The following DERA variants were observed in gnomAD, a reference collection of about 807,000 sequenced individuals.
DERA encodes the protein deoxyribose-phosphate aldolase.
DERA carries 15 observed loss-of-function variants against 41.1 expected under a neutral mutation model. The observed-to-expected ratio is 0.37, with a 90% CI of 0.24 to 0.56. DERA has a LOEUF of 0.56. DERA is among the 20% of genes least tolerant of loss of function. The probability of loss-of-function intolerance (pLI) is 0.81; values close to 1 mark genes in which losing one functional copy is unlikely to be tolerated. For missense variants in DERA, 396 were observed against 403.4 expected (o/e 0.98, Z 0.16); for synonymous variants, 139 against 137.4 (o/e 1.01, Z -0.08).
At position 15,995,079 on chromosome 12, in the gene DERA, C is replaced by T. The variant is rs1948828347; in HGVS notation, c.637+12643C>T. ...ACTCCATGCTTTTATTAATGCACAA[C>T]CCTGCTCTCTATCCTGCAATTGATC... On this transcript the variant is annotated intron_variant, in intron 6 of 8. Coordinates refer to ENST00000428559, the MANE Select transcript of DERA (RefSeq NM_015954.4). The surrounding 1 kb of genome is among the most constrained non-coding windows in gnomAD (Gnocchi z 5.1). Among the ~76,000 whole-genome samples the T allele has an allele frequency of 6.6e-6, 1 of 152,156 alleles. No homozygotes were observed. Among genetic ancestry groups the T allele is most frequent in the Non-Finnish European group, 1.5e-5 (1 of 68,030 alleles).
At chr12:15,968,882 A>G (rs1339674898) in intron 5 of DERA, among the ~76,000 whole-genome samples, 1 of 152,198 alleles carries the variant, frequency 6.6e-6, no homozygotes, top group African/African-American at 2.4e-5. Flanking sequence ...AATAAAGTGG[A>G]ACTCTAAAGA....
intron 6 of DERA, among the ~76,000 whole-genome samples, chr12:16,002,420 T>A (rs1948881937): frequency 6.6e-6 from 1 of 152,190 alleles, no homozygotes; most frequent in South Asian, 2.1e-4. Context: ...ATACCCTCGC[T>A]CCTCACAGCT....
intron 5 of DERA, 132 bp downstream of exon 5, chr12:15,963,079 G>A: frequency 7.9e-7 from 1 of 1,273,158 alleles, no homozygotes. Context: ...GTGAGTTTAG[G>A]AGAAAGCAGG....
Position 15,983,910 on chromosome 12 carries a change from C to T in DERA, c.637+1474C>T, listed in dbSNP as rs145178136. ...ATGAGAAGGGATGGAACACTTTGAACAGTTGTTCATCAGTGATGTTGGCAT... is the reference window on the plus strand; with the variant it reads ...ATGAGAAGGGATGGAACACTTTGAATAGTTGTTCATCAGTGATGTTGGCAT... On this transcript the variant is annotated intron_variant, in intron 6 of 8. Transcript: ENST00000428559. This position sits in a 1 kb window ranked among gnomAD's most constrained non-coding sequence, Gnocchi z 6.2. Among the ~76,000 whole-genome samples the T allele has an allele frequency of 1.6e-3, 238 of 152,244 alleles. 1 individual carries two copies. The highest frequency in any genetic ancestry group is 5.6e-3 in the African/African-American group (231 of 41,544).
Position 16,003,482 on chromosome 12 carries a change from G to A in DERA, c.637+21046G>A, listed in dbSNP as rs1011920095. Among the ~76,000 whole-genome samples the A allele has an allele frequency of 6.6e-6, 1 of 152,056 alleles. No homozygotes were observed. Among genetic ancestry groups the A allele is most frequent in the Non-Finnish European group, 1.5e-5 (1 of 68,006 alleles). ...ACTGGAGTTCAGAGAGAATCTTTTT[G>A]GCTCATTTTGCTTGTGTGCCTAAGG... is the stretch of plus-strand genomic sequence containing the variant. On this transcript the variant is annotated intron_variant, in intron 6 of 8. Coordinates refer to ENST00000428559, the MANE Select transcript of DERA (RefSeq NM_015954.4). This position sits in a 1 kb window ranked among gnomAD's most constrained non-coding sequence, Gnocchi z 4.8.
chr12:15,942,208 T>G (rs755229098), intron 1 of DERA, among the ~76,000 whole-genome samples: 12 of 152,194 alleles, frequency 7.9e-5, no homozygotes, highest in Non-Finnish European at 1.8e-4. Context: ...TTTAATGGGA[T>G]TACTTGTTTT....
At position 15,970,963 on chromosome 12, in the gene DERA, T is replaced by C. The variant is rs1948655391; in HGVS notation, c.508+8016T>C. On this transcript the variant is annotated intron_variant, in intron 5 of 8. Coordinates refer to ENST00000428559, the MANE Select transcript of DERA (RefSeq NM_015954.4). This position sits in a 1 kb window ranked among gnomAD's most constrained non-coding sequence, Gnocchi z 4.3. The stretch of plus-strand genomic sequence containing the variant: ...CAGAAAGTCATTATTTTTAGCAAAA[T>C]GGGGCCAAGGCAGAAAATCCAGGTT... Among the ~76,000 whole-genome samples, 1 of 152,172 alleles carries C rather than the reference T, an allele frequency of 6.6e-6. No homozygotes were observed. Among genetic ancestry groups the C allele is most frequent in the Non-Finnish European group, 1.5e-5 (1 of 68,016 alleles).
intron 7 of DERA, 140 bp downstream of exon 7, chr12:16,032,794 C>T (rs749252293): frequency 1.6e-6 from 1 of 638,582 alleles, no homozygotes; most frequent in Non-Finnish European, 2.7e-6. Flanking sequence ...ATTTACCTTT[C>T]ATTATAAAAG....
At chr12:15,948,606 T>C (rs1448730565) in intron 1 of DERA, among the ~76,000 whole-genome samples, 1 of 152,150 alleles carries the variant, frequency 6.6e-6, no homozygotes, top group South Asian at 2.1e-4. Flanking sequence ...CGTCTAATCT[T>C]TTTTTTGAAG....
At chr12:15,916,994 C>T (rs1362995877) in intron 1 of DERA, among the ~76,000 whole-genome samples, 3 of 151,974 alleles carry the variant, frequency 2.0e-5, no homozygotes, top group African/African-American at 7.3e-5. Flanking sequence ...TTTTTTGTCC[C>T]GAATTTCTAC....
rs1031082333 is a variant in DERA, at chr12:16,009,172, C to T, written c.638-23370C>T. On this transcript the variant is annotated intron_variant, in intron 6 of 8. Transcript: ENST00000428559. This position sits in a 1 kb window ranked among gnomAD's most constrained non-coding sequence, Gnocchi z 5.3. ...AGAAAGGGAGACTTATTCTGTTCCT[C>T]CTCCTTCTCTTACTGTTGTATGGTT... 2.0e-5 allele frequency among the ~76,000 whole-genome samples: 3 copies of T among 152,124 alleles called. No homozygotes were observed. The highest frequency in any genetic ancestry group is 3.9e-4 in the East Asian group (2 of 5,194).
At position 15,972,409 on chromosome 12, in the gene DERA, T is replaced by C. The variant is rs1948667599; in HGVS notation, c.508+9462T>C. On this transcript the variant is annotated intron_variant, in intron 5 of 8. Coordinates refer to ENST00000428559, the MANE Select transcript of DERA (RefSeq NM_015954.4). This position sits in a 1 kb window ranked among gnomAD's most constrained non-coding sequence, Gnocchi z 4.4. ...CCCACAGTTCACCCTTTAGAGACAC[T>C]GCACACATCCCAGCCAGCTGGCTGT... 6.5e-6 allele frequency: 1 copy of C among 152,870 alleles called. No homozygotes were observed. Among genetic ancestry groups the C allele is most frequent in the South Asian group, 2.0e-4 (1 of 5,018 alleles). The allele number at this position is 152,870 out of a possible 1,614,324, so 9.5% of individuals were successfully genotyped here.
Position 15,929,532 on chromosome 12 carries a change from A to C in DERA, c.31+18118A>C, listed in dbSNP as rs16911434. 6.9e-3 allele frequency among the ~76,000 whole-genome samples: 1,056 copies of C among 152,306 alleles called. 17 individuals carry two copies. The highest frequency in any genetic ancestry group is 0.025 in the African/African-American group (1,029 of 41,554). On this transcript the variant is annotated intron_variant, in intron 1 of 8. Coordinates refer to ENST00000428559, the MANE Select transcript of DERA (RefSeq NM_015954.4). The stretch of plus-strand genomic sequence containing the variant: ...CTGCTTATAGTCACAGTATTTTAGC[A>C]CATGTTAGATGCCTGCTGTTTAAGG...
At chr12:16,023,187 T>A (rs1949027747) in intron 6 of DERA, among the ~76,000 whole-genome samples, 1 of 152,100 alleles carries the variant, frequency 6.6e-6, no homozygotes, top group Admixed American at 6.5e-5. Flanking sequence ...AGCAACATGG[T>A]TTCAGTATAA....
At chr12:15,949,621 G>T (rs1948481392) in intron 1 of DERA, among the ~76,000 whole-genome samples, 1 of 152,200 alleles carries the variant, frequency 6.6e-6, no homozygotes, top group Non-Finnish European at 1.5e-5. Context: ...GCTAGGGAGG[G>T]GAATTCCCTG....
At position 15,993,288 on chromosome 12, in the gene DERA, A is replaced by G. The variant is rs1007955272; in HGVS notation, c.637+10852A>G. On this transcript the variant is annotated intron_variant, in intron 6 of 8. Coordinates refer to ENST00000428559, the MANE Select transcript of DERA (RefSeq NM_015954.4). The surrounding 1 kb of genome is among the most constrained non-coding windows in gnomAD (Gnocchi z 4.4). ...ATGTGGTGATTAATAGGAAATTAGTATCTAAGATTTTAAAAAATATATTTT... is the reference window on the plus strand; with the variant it reads ...ATGTGGTGATTAATAGGAAATTAGTGTCTAAGATTTTAAAAAATATATTTT... 2.0e-5 allele frequency among the ~76,000 whole-genome samples: 3 copies of G among 152,198 alleles called. No individual in the cohort carries two copies. Among genetic ancestry groups the G allele is most frequent in the Non-Finnish European group, 2.9e-5 (2 of 68,022 alleles).
At position 16,026,613 on chromosome 12, in the gene DERA, A is replaced by C. The variant is rs1348077770; in HGVS notation, c.638-5929A>C. 6.7e-6 allele frequency among the ~76,000 whole-genome samples: 1 copy of C among 149,806 alleles called. No homozygotes were observed. Among genetic ancestry groups the C allele is most frequent in the Non-Finnish European group, 1.5e-5 (1 of 67,396 alleles). ...ATTTACACATTTATGTAAATATATA[A>C]CATATTTTAATTATATAAAATTATT... On this transcript the variant is annotated intron_variant, in intron 6 of 8. Coordinates refer to ENST00000428559, the MANE Select transcript of DERA (RefSeq NM_015954.4). This position sits in a 1 kb window ranked among gnomAD's most constrained non-coding sequence, Gnocchi z 4.4.
rs1167172270 is a variant in DERA at position 15,990,946 on chromosome 12, G to A, written c.637+8510G>A. Reference sequence around the variant, plus strand: ...CATACATGTGTCTTTACAATAGAATGATTTATATCCCTTTGGGTGTATACA... The same window carrying A: ...CATACATGTGTCTTTACAATAGAATAATTTATATCCCTTTGGGTGTATACA... On this transcript the variant is annotated intron_variant, in intron 6 of 8. Transcript: ENST00000428559. The surrounding 1 kb of genome is among the most constrained non-coding windows in gnomAD (Gnocchi z 4.3). Among the ~76,000 whole-genome samples the A allele has an allele frequency of 1.3e-5, 2 of 152,122 alleles. No homozygotes were observed. The highest frequency in any genetic ancestry group is 2.9e-5 in the Non-Finnish European group (2 of 68,006).
At chr12:15,960,911 G>T (rs1309280040) in intron 4 of DERA, among the ~76,000 whole-genome samples, 3 of 152,172 alleles carry the variant, frequency 2.0e-5, no homozygotes, top group Non-Finnish European at 2.9e-5. Context: ...GACTACAAAG[G>T]CAGGGCTCTG....
Sources: allele counts gnomAD v4.1 joint callset (sites outside exome capture counted in the v4.1 genomes callset), GRCh38; gene constraint gnomAD v4.1.1; non-coding constraint Gnocchi (gnomAD v3.1); transcripts MANE v1.5; gene names NCBI Gene and HGNC (gene_info 2026-07-23, HGNC 2026-07-21).